MICU1: variants seen among roughly 807,000 people sequenced by gnomAD.
MICU1 encodes the protein calcium uptake protein 1, mitochondrial.
A neutral mutation model predicts 56.8 loss-of-function variants in MICU1; 45 were observed. The observed-to-expected ratio is 0.79, with a 90% CI of 0.62 to 1.02. MICU1 has a LOEUF of 1.02. MICU1 is among the 50% of genes least tolerant of loss of function. The pLI, the probability that MICU1 is intolerant of heterozygous loss-of-function variation, is 0.00. For missense variants in MICU1, 504 were observed against 587.1 expected, an observed-to-expected ratio of 0.86 and a Z score of 1.46; for synonymous variants, 186 against 195.1, an observed-to-expected ratio of 0.95 and a Z score of 0.39.
At chr10:72,425,844 G>T (rs1317162663) in intron 8 of MICU1, among the ~76,000 whole-genome samples, 1 of 152,094 alleles carries the variant, frequency 6.6e-6, no homozygotes, top group Non-Finnish European at 1.5e-5. Context: ...TTTATTAACT[G>T]AAGACCACTA....
chr10:72,540,702 T>C (rs889178198), intron 4 of MICU1, among the ~76,000 whole-genome samples: 4 of 152,162 alleles, frequency 2.6e-5, no homozygotes, highest in Admixed American at 1.3e-4. Context: ...AAAACTGGCA[T>C]GGTAGATTAG....
At chr10:72,508,410 T>A in intron 5 of MICU1, 141 bp from the exon 6 acceptor site, 1 of 431,790 alleles carries the variant, frequency 2.3e-6, no homozygotes, top group Non-Finnish European at 4.2e-6. Flanking sequence ...TCAAAATCAA[T>A]GGATCCTTTA....
At chr10:72,623,101 T>C (rs1002744400) in intron 1 of MICU1, among the ~76,000 whole-genome samples, 12 of 151,760 alleles carry the variant, frequency 7.9e-5, no homozygotes, top group African/African-American at 2.9e-4. Context: ...AAACCCCATC[T>C]TTACTAACAA....
rs1427374947 is a variant in MICU1, at chr10:72,398,919, G to C, written c.1180+9010C>G. On this transcript the variant is annotated intron_variant, in intron 10 of 11. Coordinates refer to ENST00000361114, the MANE Select transcript of MICU1 (RefSeq NM_001195518.2). ...AACTATTCCAATCAATAGAAAAAGA[G>C]GGAATCCTCCCTAACTCATTTTATG... Among the ~76,000 whole-genome samples, 3 of 152,284 alleles carry C rather than the reference G, an allele frequency of 2.0e-5. No individual in the cohort carries two copies. In the East Asian group the frequency reaches 5.8e-4, roughly 29 times the overall value.
chr10:72,581,788 G>A (rs912544215), intron 1 of MICU1, among the ~76,000 whole-genome samples: 6 of 152,160 alleles, frequency 3.9e-5, no homozygotes, highest in Admixed American at 1.3e-4. Context: ...AAGATGCAGG[G>A]CACTGGTGCA....
intron 1 of MICU1, among the ~76,000 whole-genome samples, chr10:72,568,747 C>CTTTTTTTTTTTT (rs72319510): frequency 1.8e-5 from 1 of 55,544 alleles, no homozygotes; most frequent in Admixed American, 2.6e-4. Flanking sequence ...AGTTCTTATT[C>CTTTTTTTTTTTT]TTTTTTTTTT....
At chr10:72,498,047 G>A (rs1273387039) in intron 6 of MICU1, among the ~76,000 whole-genome samples, 3 of 152,262 alleles carry the variant, frequency 2.0e-5, no homozygotes, top group African/African-American at 4.8e-5. Context: ...TTCTGTAGCT[G>A]TTATGGGACA....
chr10:72,398,862 G>A lies in MICU1; in HGVS notation c.1180+9067C>T, dbSNP rs550292637. Among the ~76,000 whole-genome samples, 9 of 152,234 alleles carry A rather than the reference G, an allele frequency of 5.9e-5. No individual in the cohort carries two copies. In the East Asian group the frequency reaches 1.5e-3, roughly 26 times the overall value. On this transcript the variant is annotated intron_variant, in intron 10 of 11. Transcript: ENST00000361114. ...GATTCACAGCCAAATTCTACCAGAG[G>A]TACAAAAAGGAGCTGGTACCATTCC...
At chr10:72,392,466 G>A (rs1863110216) in intron 10 of MICU1, among the ~76,000 whole-genome samples, 1 of 152,146 alleles carries the variant, frequency 6.6e-6, no homozygotes, top group Non-Finnish European at 1.5e-5. Flanking sequence ...AGCTACTCAG[G>A]AGGCTGAGGC....
chr10:72,409,905 T>C (rs747866975), intron 9 of MICU1, among the ~76,000 whole-genome samples: 58 of 152,200 alleles, frequency 3.8e-4, no homozygotes, highest in Non-Finnish European at 6.2e-4. Context: ...ATTATCATCA[T>C]CTCAGAAGCC....
At chr10:72,581,798 A>T (rs945518900) in intron 1 of MICU1, among the ~76,000 whole-genome samples, 2 of 152,220 alleles carry the variant, frequency 1.3e-5, no homozygotes, top group Non-Finnish European at 2.9e-5. Flanking sequence ...GCACTGGTGC[A>T]TCTTTTTATT....
intron 10 of MICU1, among the ~76,000 whole-genome samples, chr10:72,406,783 C>T (rs145989226): frequency 6.6e-6 from 1 of 152,042 alleles, no homozygotes; most frequent in Non-Finnish European, 1.5e-5. Flanking sequence ...TACACCACCA[C>T]GCCTGGCTAA....
rs1209327232 is a variant in MICU1, at chr10:72,566,690, A to G, written c.104T>C (p.Met35Thr). Residue 35 changes from methionine to threonine, a missense_variant, in exon 2 of 12, where the codon ATG (methionine) becomes ACG (threonine). Transcript: ENST00000361114. ...QPIQIRRRLM[M>T]VAFLGASAVT... is the part of the protein sequence containing the mutation. The stretch of plus-strand genomic sequence containing the variant: ...TGCAGATGCTCCCAGGAAAGCCACC[A>G]TCATTAGTCTTCGCCGGATCTGGAT... 1 of 1,613,014 alleles carries G rather than the reference A, an allele frequency of 6.2e-7. No homozygotes were observed. Among genetic ancestry groups the G allele is most frequent in the African/African-American group, 1.3e-5 (1 of 74,930 alleles).
At chr10:72,490,251 A>G (rs930143398) in intron 6 of MICU1, among the ~76,000 whole-genome samples, 16 of 152,226 alleles carry the variant, frequency 1.1e-4, no homozygotes, top group Non-Finnish European at 1.3e-4. Context: ...GTATGTATGC[A>G]TATATTTATT....
rs1017957984 is a variant in MICU1 at position 72,448,416 on chromosome 10, C to T, written c.934-25045G>A. Among the ~76,000 whole-genome samples the T allele has an allele frequency of 4.6e-5, 7 of 150,934 alleles. No homozygotes were observed. The East Asian group carries it at 8.1e-4, about 17-fold the overall frequency. Reference sequence around the variant, plus strand: ...CTGGAACTCCTGACCTCAAGTCATCCGCCCACCTTGGCCTCCCAAAGTGCT... The same window carrying T: ...CTGGAACTCCTGACCTCAAGTCATCTGCCCACCTTGGCCTCCCAAAGTGCT... On this transcript the variant is annotated intron_variant, in intron 8 of 11. Transcript: ENST00000361114.
chr10:72,411,236 C>T (rs113391794), intron 9 of MICU1, among the ~76,000 whole-genome samples: 1,939 of 151,994 alleles, frequency 0.013, 32 homozygotes, highest in African/African-American at 0.044. Context: ...TAAGGAGTTC[C>T]GGTTTGGGAA....
intron 3 of MICU1, among the ~76,000 whole-genome samples, chr10:72,557,022 C>T (rs528483238): frequency 6.6e-5 from 10 of 151,846 alleles, no homozygotes; most frequent in East Asian, 3.9e-4. Context: ...GCAGAGATCA[C>T]GCCACTGCAC....
intron 10 of MICU1, among the ~76,000 whole-genome samples, chr10:72,404,302 G>A (rs1316383366): frequency 6.6e-6 from 1 of 152,138 alleles, no homozygotes; most frequent in Non-Finnish European, 1.5e-5. Context: ...TGTTTATAGG[G>A]AAATTTATAG....
chr10:72,549,457 T>G (rs56084598), intron 4 of MICU1, among the ~76,000 whole-genome samples: 85,741 of 151,826 alleles, frequency 0.56, 25,582 homozygotes, highest in Non-Finnish European at 0.68. Context: ...TCCCAAAGTG[T>G]TGGGATTAGA....
Sources: allele counts gnomAD v4.1 joint callset (sites outside exome capture counted in the v4.1 genomes callset), GRCh38; gene constraint gnomAD v4.1.1; transcripts MANE v1.5; gene names NCBI Gene and HGNC (gene_info 2026-07-23, HGNC 2026-07-21).